The following TAX1BP3 variants were observed in gnomAD, a reference collection of about 807,000 sequenced individuals.
The protein encoded by TAX1BP3 is Tax1 binding protein 3, also known as tax1-binding protein 3.
TAX1BP3 carries 13 observed loss-of-function variants against 15.3 expected under a neutral mutation model. That is an observed-to-expected ratio of 0.85 (90% CI 0.55 to 1.35). The LOEUF (loss-of-function observed/expected upper bound fraction) is 1.35, where lower values mean the gene tolerates loss of function less well. TAX1BP3 is among the 40% of genes most tolerant of loss of function. The pLI is 0.00. For synonymous variants in TAX1BP3, 70 were observed against 66.0 expected (o/e 1.06, Z -0.30); for missense variants, 147 against 169.6 (o/e 0.87, Z 0.74).
Position 3,664,273 on chromosome 17 carries a change from C to T in TAX1BP3, c.160-1G>A. ...CAGACACCCGTGTGACATAAATACC[C>T]TGGAAAGGGGCAGCCCAAGTCAAGC... is the stretch of plus-strand genomic sequence containing the variant. On this transcript the variant is annotated splice_acceptor_variant, in intron 2 of 3. Transcript: ENST00000225525. LOFTEE classifies it high-confidence loss of function. The T allele has an allele frequency of 6.2e-7, 1 of 1,613,988 alleles. No individual in the cohort carries two copies. Among genetic ancestry groups the T allele is most frequent in the East Asian group, 2.2e-5 (1 of 44,884 alleles).
Position 3,663,357 on chromosome 17 carries a change from C to T in TAX1BP3, c.*391G>A. On this transcript the variant is annotated 3_prime_UTR_variant, in exon 4 of 4. Transcript: ENST00000225525. ...GCTGGGGGGCAGGGGCGGAGCCGAA[C>T]CCTGCAGCCAGGCAAAAGCGGGAAA... 5.8e-6 allele frequency: 1 copy of T among 172,490 alleles called. No individual in the cohort carries two copies. The highest frequency in any genetic ancestry group is 2.4e-5 in the African/African-American group (1 of 42,346). 10.7% of individuals were successfully genotyped at this position (172,490 alleles called of 1,614,324 possible). A position where few individuals can be genotyped will look rare whatever the true frequency, so the allele number is the denominator to read the frequency against.
chr17:3,667,244 G>A (rs1203867085), intron 1 of TAX1BP3, among the ~76,000 whole-genome samples: 2 of 151,668 alleles, frequency 1.3e-5, no homozygotes, highest in African/African-American at 4.9e-5. Context: ...TCGGGAGGCT[G>A]AGGCAGGAGA....
In TAX1BP3 at chr17:3,664,668, G is replaced by T. The variant is rs2076319741; in HGVS notation, c.159+11C>A. 1 of 1,613,674 alleles carries T rather than the reference G, an allele frequency of 6.2e-7. No individual in the cohort carries two copies. Among genetic ancestry groups the T allele is most frequent in the Non-Finnish European group, 8.5e-7 (1 of 1,179,924 alleles). On this transcript the variant is annotated intron_variant, in intron 2 of 3. Transcript: ENST00000225525. ...CCCATGGAGCGGTCCCAGGACCCCA[G>T]ACCCCCTCACCTTGTCCGTCTTGTC...
In TAX1BP3 at chr17:3,668,575, G is replaced by A. The variant is rs1026628839; in HGVS notation, c.-49C>T. 3 of 1,567,132 alleles carry A rather than the reference G, an allele frequency of 1.9e-6. No individual in the cohort carries two copies. Among genetic ancestry groups the A allele is most frequent in the Non-Finnish European group, 2.6e-6 (3 of 1,158,460 alleles). On this transcript the variant is annotated 5_prime_UTR_variant, in exon 1 of 4. Coordinates refer to ENST00000225525, the MANE Select transcript of TAX1BP3 (RefSeq NM_014604.4). This position sits in a 1 kb window ranked among gnomAD's most constrained non-coding sequence, Gnocchi z 4.1. ...GCGCCGCTCCGAGAAGCCGGCAGCA[G>A]AGTACCCGCGGTCGCGCCCTCGCTG...
Position 3,664,709 on chromosome 17 carries a change from C to T in TAX1BP3, c.129G>A (p.Gln43=), listed in dbSNP as rs1402699643. ...CCGTCTTGTCTTCAGAGAAGGGATT[C>T]TGGGAAGGATCCTGGTCGATTCCAC... is the stretch of plus-strand genomic sequence containing the variant. ...IGGGIDQDPS[Q]NPFSEDKTDK... Residue 43 remains glutamine, a synonymous_variant, in exon 2 of 4, where the codon CAG becomes CAA. Transcript: ENST00000225525. 1 of 1,613,798 alleles carries T rather than the reference C, an allele frequency of 6.2e-7. No homozygotes were observed. Among genetic ancestry groups the T allele is most frequent in the South Asian group, 1.1e-5 (1 of 91,068 alleles).
rs778440638 is a variant in TAX1BP3, at chr17:3,663,456, G to A, written c.*292C>T. The A allele has an allele frequency of 9.2e-6, 3 of 324,854 alleles. No homozygotes were observed. The highest frequency in any genetic ancestry group is 1.7e-5 in the Non-Finnish European group (3 of 179,656). 20.1% of individuals were successfully genotyped at this position (324,854 alleles called of 1,614,324 possible). On this transcript the variant is annotated 3_prime_UTR_variant, in exon 4 of 4. Transcript: ENST00000225525. ...AGTGGTTCCCACTTGCCCAGCCACTGCTGTGGCCAAGCAGCAGGGTCGGAC... is the reference window on the plus strand; with the variant it reads ...AGTGGTTCCCACTTGCCCAGCCACTACTGTGGCCAAGCAGCAGGGTCGGAC...
In TAX1BP3 at chr17:3,663,809, A is replaced by C. The variant is rs1567720974; in HGVS notation, c.314T>G (p.Val105Gly). 1 of 1,609,124 alleles carries C rather than the reference A, an allele frequency of 6.2e-7. No homozygotes were observed. Among genetic ancestry groups the C allele is most frequent in the Non-Finnish European group, 8.5e-7 (1 of 1,179,880 alleles). Residue 105 changes from valine to glycine, a missense_variant, in exon 4 of 4, where the codon GTG becomes GGG. Physicochemically the swap from Val to Gly is moderately radical, Grantham distance 109 (BLOSUM62 -3). Transcript: ENST00000225525. ...CGACTGCCGCGTCACCAGCAGACGC[A>C]CCACCTCCTCCGAGCGCTTGGTGAG... ...KRLTKRSEEV[V>G]RLLVTRQSLQ...
chr17:3,664,468 T>C, intron 2 of TAX1BP3, 196 bp from the exon 3 acceptor site: 1 of 932,072 alleles, frequency 1.1e-6, no homozygotes, highest in East Asian at 2.6e-5. Context: ...GCCCTGCTGA[T>C]GGCCGCCTCC....
intron 2 of TAX1BP3, 64 bp from the exon 3 acceptor site, chr17:3,664,336 A>G: frequency 6.3e-7 from 1 of 1,585,810 alleles, no homozygotes; most frequent in South Asian, 1.1e-5. Context: ...CACACAGCGG[A>G]AGCCAGCATG....
chr17:3,664,530 A>AT (rs1178398592), intron 2 of TAX1BP3, 149 bp downstream of exon 2: 1 of 1,199,984 alleles, frequency 8.3e-7, no homozygotes, highest in Admixed American at 1.9e-5. Context: ...ACCCGTCCTT[A>AT]TTCTCACTAG....
At chr17:3,665,513 C>G (rs1277466594) in intron 1 of TAX1BP3, 1 of 1,378,834 alleles carries the variant, frequency 7.3e-7, no homozygotes, top group East Asian at 2.3e-5. Context: ...ACATAAAGCA[C>G]TCTAAGAGCC....
rs929660007 is a variant in TAX1BP3, at chr17:3,668,154, C to T, written c.39+334G>A. The stretch of plus-strand genomic sequence containing the variant: ...TCATGGACGTCGGGATCGGCGCCCG[C>T]CCCCAGCAGCTCCCCGTCTGGGGAC... On this transcript the variant is annotated intron_variant, in intron 1 of 3. Transcript: ENST00000225525. The surrounding 1 kb of genome is among the most constrained non-coding windows in gnomAD (Gnocchi z 4.1). Among the ~76,000 whole-genome samples, 3 of 152,240 alleles carry T rather than the reference C, an allele frequency of 2.0e-5. No individual in the cohort carries two copies. Among genetic ancestry groups the T allele is most frequent in the Middle Eastern group, 3.2e-3 (1 of 316 alleles).
Position 3,663,650 on chromosome 17 carries a change from G to C in TAX1BP3, c.*98C>G. ...GACCAGCTATAGCCCTTCTGAGCTG[G>C]GGCCCAGCGGTCAGCAGAAGCCAGA... On this transcript the variant is annotated 3_prime_UTR_variant, in exon 4 of 4. Transcript: ENST00000225525. The C allele has an allele frequency of 6.7e-7, 1 of 1,487,798 alleles. No homozygotes were observed. The highest frequency in any genetic ancestry group is 1.4e-5 in the South Asian group (1 of 73,656). The allele number at this position is 1,487,798 out of a possible 1,614,324, so 92.2% of individuals were successfully genotyped here. A position where few individuals can be genotyped will look rare whatever the true frequency, so the allele number is the denominator to read the frequency against.
intron 1 of TAX1BP3, 94 bp from the exon 2 acceptor site, chr17:3,664,892 G>C: frequency 6.6e-7 from 1 of 1,521,698 alleles, no homozygotes; most frequent in Non-Finnish European, 8.8e-7. Context: ...ATGACAAGGG[G>C]CTGGGTCCCA....
rs371518181 is a variant in TAX1BP3, at chr17:3,668,530, G to A, written c.-4C>T. 1.4e-5 allele frequency: 23 copies of A among 1,605,248 alleles called. No homozygotes were observed. The highest frequency in any genetic ancestry group is 2.0e-5 in the Non-Finnish European group (23 of 1,177,044). On this transcript the variant is annotated 5_prime_UTR_variant, in exon 1 of 4. Transcript: ENST00000225525. This position sits in a 1 kb window ranked among gnomAD's most constrained non-coding sequence, Gnocchi z 4.1. Reference sequence around the variant, plus strand: ...GCTGGCCCGGGATGTAGGACATCTCGACCCTGCTCTGGTCGCCCAGCGCCG... The same window carrying A: ...GCTGGCCCGGGATGTAGGACATCTCAACCCTGCTCTGGTCGCCCAGCGCCG...
rs141617120 is a variant in TAX1BP3, at chr17:3,668,043, C to A, written c.39+445G>T. Among the ~76,000 whole-genome samples the A allele has an allele frequency of 6.6e-6, 1 of 152,264 alleles. No individual in the cohort carries two copies. The highest frequency in any genetic ancestry group is 1.5e-5 in the Non-Finnish European group (1 of 68,048). On this transcript the variant is annotated intron_variant, in intron 1 of 3. Coordinates refer to ENST00000225525, the MANE Select transcript of TAX1BP3 (RefSeq NM_014604.4). The surrounding 1 kb of genome is among the most constrained non-coding windows in gnomAD (Gnocchi z 4.1). ...GGGGCAGGGGCTGCCACGGCAGGCT[C>A]GGGAGAGCCCCACCCCCAGATCTCC...
At chr17:3,664,950 C>T in intron 1 of TAX1BP3, 152 bp from the exon 2 acceptor site, 1 of 1,175,378 alleles carries the variant, frequency 8.5e-7, no homozygotes. Flanking sequence ...GGCTGAGGAG[C>T]TGGCACTCAG....
At chr17:3,666,095 G>A (rs2076338043) in intron 1 of TAX1BP3, among the ~76,000 whole-genome samples, 1 of 152,250 alleles carries the variant, frequency 6.6e-6, no homozygotes, top group Admixed American at 6.5e-5. Context: ...CAGATGCTGG[G>A]AGCCAGACCA....
At chr17:3,666,973 T>C (rs1385538255) in intron 1 of TAX1BP3, among the ~76,000 whole-genome samples, 1 of 152,090 alleles carries the variant, frequency 6.6e-6, no homozygotes, top group Non-Finnish European at 1.5e-5. Flanking sequence ...TTGCTGTAGC[T>C]CCTCACCTGT....
Sources: allele counts gnomAD v4.1 joint callset (sites outside exome capture counted in the v4.1 genomes callset), GRCh38; gene constraint gnomAD v4.1.1; non-coding constraint Gnocchi (gnomAD v3.1); transcripts MANE v1.5; gene names NCBI Gene and HGNC (gene_info 2026-07-23, HGNC 2026-07-21).